The following EOGT variants were observed in gnomAD, a reference collection of about 807,000 sequenced individuals.
The protein encoded by EOGT is EGF domain specific O-linked N-acetylglucosamine transferase.
EOGT carries 55 observed loss-of-function variants against 70.5 expected under a neutral mutation model. The observed-to-expected ratio is 0.78, with a 90% CI of 0.63 to 0.98. The LOEUF (loss-of-function observed/expected upper bound fraction) is 0.98. Ranked by LOEUF, EOGT falls within the 50% of genes least tolerant of loss-of-function variation. The pLI is 0.00. For synonymous variants in EOGT, 246 were observed against 217.1 expected, an observed-to-expected ratio of 1.13 and a Z score of -1.17; for missense variants, 703 against 641.9, an observed-to-expected ratio of 1.10 and a Z score of -1.03.
At chr3:68,997,913 AAT>A (rs2091195374) in intron 10 of EOGT, 96 bp downstream of exon 10, 1 of 721,174 alleles carries the variant, frequency 1.4e-6, no homozygotes. Context: ...TACATGTTGA[AAT>A]ATATGTGTCT....
At chr3:68,981,985 C>A (rs1016811057) in intron 15 of EOGT, among the ~76,000 whole-genome samples, 6 of 152,074 alleles carry the variant, frequency 3.9e-5, no homozygotes, top group Non-Finnish European at 8.8e-5. Context: ...CAGCTCCCTT[C>A]AACTTCTACC....
intron 10 of EOGT, among the ~76,000 whole-genome samples, chr3:68,991,090 G>A (rs1265567532): frequency 1.3e-5 from 2 of 152,140 alleles, no homozygotes; most frequent in African/African-American, 4.8e-5. Context: ...TGTTTGAAAG[G>A]AAATTTTAAT....
intron 7 of EOGT, among the ~76,000 whole-genome samples, chr3:69,004,880 G>A (rs760369907): frequency 1.1e-4 from 17 of 151,886 alleles, no homozygotes; most frequent in East Asian, 1.9e-4. Flanking sequence ...CCTGGGCAAC[G>A]TTAGAAGACC....
At chr3:68,987,381 A>AG (rs1245671939) in intron 14 of EOGT, 64 bp downstream of exon 14, 1 of 1,268,812 alleles carries the variant, frequency 7.9e-7, no homozygotes, top group Non-Finnish European at 1.1e-6. Flanking sequence ...GTGAAAAAAA[A>AG]AAAAACACAA....
chr3:68,978,762 T>TATATGA (rs1465715628), intron 16 of EOGT, among the ~76,000 whole-genome samples: 2 of 152,236 alleles, frequency 1.3e-5, no homozygotes, highest in African/African-American at 4.8e-5. Flanking sequence ...AGGTAACACT[T>TATATGA]CCAAGGTCAT....
chr3:68,976,582 T>A lies in EOGT; in HGVS notation c.*1036A>T, dbSNP rs1396335712. On this transcript the variant is annotated 3_prime_UTR_variant, in exon 18 of 18. Transcript: ENST00000383701. The stretch of plus-strand genomic sequence containing the variant: ...GTTCTCGATGCATATAACCTGGAGG[T>A]GACTAAACGCTGATCTATAACATGG... 6.6e-6 allele frequency: 1 copy of A among 151,892 alleles called. No individual in the cohort carries two copies. The highest frequency in any genetic ancestry group is 1.5e-5 in the Non-Finnish European group (1 of 68,004). 9.4% of individuals were successfully genotyped at this position (151,892 alleles called of 1,614,324 possible).
chr3:69,009,930 CAACA>C lies in EOGT; in HGVS notation c.-14-74_-14-71del, dbSNP rs749269788. The C allele has an allele frequency of 8.6e-5, 40 of 466,966 alleles. No individual in the cohort carries two copies. In the African/African-American group the frequency reaches 9.4e-4, roughly 11 times the overall value. The allele number at this position is 466,966 out of a possible 1,614,324, so 28.9% of individuals were successfully genotyped here. ...AAAGCCAAAACAACAACAACAACAA[CAACA>C]AAAAAAAAAAAAAAACAAAGGGTCA... On this transcript the variant is annotated intron_variant, in intron 3 of 17. Coordinates refer to ENST00000383701, the MANE Select transcript of EOGT (RefSeq NM_001278689.2).
At chr3:69,000,984 G>C (rs2091279928) in intron 9 of EOGT, among the ~76,000 whole-genome samples, 1 of 148,212 alleles carries the variant, frequency 6.7e-6, no homozygotes, top group Non-Finnish European at 1.5e-5. Flanking sequence ...TTAAGACGGA[G>C]TCTTGCTCTG....
intron 10 of EOGT, 130 bp from the exon 11 acceptor site, chr3:68,989,147 T>C (rs185716126): frequency 1.4e-4 from 72 of 522,758 alleles, no homozygotes; most frequent in South Asian, 6.3e-4. Context: ...ATAAAATCCA[T>C]ACAAGCAAAA....
In EOGT at chr3:69,007,758, T is replaced by C; in HGVS notation, c.375A>G (p.Arg125=). The change falls in exon 6 of 18, where the codon AGA becomes AGG. Residue 125 remains arginine, a synonymous_variant. Coordinates refer to ENST00000383701, the MANE Select transcript of EOGT (RefSeq NM_001278689.2). ...FWKQADFGYA[R]ERLEEMHVLC... is the part of the protein sequence containing the mutation. ...GCACATGCATCTCCTCCAGCCTCTCTCTGGCATATCCAAAGTCAGCTTGTT... is the reference window on the plus strand; with the variant it reads ...GCACATGCATCTCCTCCAGCCTCTCCCTGGCATATCCAAAGTCAGCTTGTT... 2 of 1,613,528 alleles carry C rather than the reference T, an allele frequency of 1.2e-6. No individual in the cohort carries two copies. The highest frequency in any genetic ancestry group is 1.7e-6 in the Non-Finnish European group (2 of 1,179,622).
chr3:69,004,460 T>G lies in EOGT; in HGVS notation c.538A>C (p.Ser180Arg). The change falls in exon 8 of 18, where the codon AGT (serine) becomes CGT (arginine). Residue 180 changes from serine (S) to arginine (R), a missense_variant. Transcript: ENST00000383701. ...HDRFKEDFFQ[S>R]GEIGGHCKLD... The stretch of plus-strand genomic sequence containing the variant: ...TTACAGTGCCCTCCAATTTCACCAC[T>G]CTGGAAAAAGTCCTCCTTAAATCTG... 6.2e-7 allele frequency: 1 copy of G among 1,613,904 alleles called. No homozygotes were observed. The highest frequency in any genetic ancestry group is 8.5e-7 in the Non-Finnish European group (1 of 1,179,798).
intron 9 of EOGT, 109 bp from the exon 10 acceptor site, chr3:68,998,223 A>C (rs750684859): frequency 2.0e-5 from 13 of 652,228 alleles, no homozygotes; most frequent in Non-Finnish European, 3.5e-5. Flanking sequence ...AGTTTAAATA[A>C]ATGGGGAAAA....
intron 9 of EOGT, among the ~76,000 whole-genome samples, chr3:68,998,643 C>G (rs561342744): frequency 7.2e-5 from 11 of 152,082 alleles, no homozygotes; most frequent in Non-Finnish European, 1.6e-4. Context: ...CACTTGAGAC[C>G]AGGAGTTTGA....
chr3:69,004,267 A>G (rs2091379244), intron 8 of EOGT, 111 bp downstream of exon 8: 2 of 792,728 alleles, frequency 2.5e-6, no homozygotes, highest in Non-Finnish European at 2.0e-6. Context: ...GCTCATGCCA[A>G]ATTATGTACA....
intron 17 of EOGT, 136 bp downstream of exon 17, chr3:68,978,192 TATAAA>T (rs1357308074): frequency 2.4e-5 from 16 of 674,978 alleles, no homozygotes; most frequent in African/African-American, 3.8e-5. Context: ...TATTTGCAAA[TATAAA>T]ATAAAACAAT....
At position 68,977,278 on chromosome 3, in the gene EOGT, A is replaced by T. The variant is rs2090495806; in HGVS notation, c.*340T>A. ...GGAGGCAGAAGTTGCATAAACTGAG[A>T]TCATGCCACTGCACTCCAGCCTGGG... On this transcript the variant is annotated 3_prime_UTR_variant, in exon 18 of 18. Coordinates refer to ENST00000383701, the MANE Select transcript of EOGT (RefSeq NM_001278689.2). 5.3e-6 allele frequency: 1 copy of T among 190,476 alleles called. No homozygotes were observed. Among genetic ancestry groups the T allele is most frequent in the African/African-American group, 2.4e-5 (1 of 41,824 alleles). The allele number at this position is 190,476 out of a possible 1,614,324, so 11.8% of individuals were successfully genotyped here.
chr3:68,990,640 C>A (rs1203184480), intron 10 of EOGT, among the ~76,000 whole-genome samples: 2 of 152,130 alleles, frequency 1.3e-5, no homozygotes, highest in Non-Finnish European at 2.9e-5. Flanking sequence ...AGAAACCACA[C>A]CCAGCCTGAT....
chr3:68,982,797 T>G lies in EOGT; in HGVS notation c.1214+14A>C, dbSNP rs1354153678. On this transcript the variant is annotated intron_variant, in intron 15 of 17. Coordinates refer to ENST00000383701, the MANE Select transcript of EOGT (RefSeq NM_001278689.2). ...AAAAGTTGACAGTGTCTGCTGAGAT[T>G]GGCTATTACTTACCTATACTTGTAA... is the stretch of plus-strand genomic sequence containing the variant. 1.9e-6 allele frequency: 3 copies of G among 1,587,508 alleles called. No individual in the cohort carries two copies. The African/African-American group carries it at 4.1e-5, about 22-fold the overall frequency.
At chr3:68,990,588 A>T (rs907245550) in intron 10 of EOGT, among the ~76,000 whole-genome samples, 1 of 152,050 alleles carries the variant, frequency 6.6e-6, no homozygotes, top group Non-Finnish European at 1.5e-5. Flanking sequence ...TCCTGAGCTC[A>T]AGTGCTCCGC....
Sources: allele counts gnomAD v4.1 joint callset (sites outside exome capture counted in the v4.1 genomes callset), GRCh38; gene constraint gnomAD v4.1.1; transcripts MANE v1.5; gene names NCBI Gene and HGNC (gene_info 2026-07-23, HGNC 2026-07-21).